Variants in PRUNE2 observed in about 807,000 individuals in gnomAD.
PRUNE2 encodes the protein protein prune homolog 2.
A neutral mutation model predicts 252.0 loss-of-function variants in PRUNE2; 164 were observed. That is an observed-to-expected ratio of 0.65 (90% CI 0.57 to 0.74). PRUNE2 has a LOEUF of 0.74. Among genes scored for constraint, PRUNE2 ranks in the 30% least tolerant of loss-of-function variants. The pLI is 0.00. For synonymous variants in PRUNE2, 1,292 were observed against 1,350.2 expected (o/e 0.96, Z 0.94); for missense variants, 3,495 against 3,711.0 (o/e 0.94, Z 1.51).
In PRUNE2 at chr9:76,750,094, T is replaced by C. The variant is rs151052631; in HGVS notation, c.757-36373A>G. ...CCAACACCAAAGACACAGAAGCTCC[T>C]ATGCTCAGGACCCTTCTCGACCCCT... On this transcript the variant is annotated intron_variant, in intron 6 of 18. Coordinates refer to ENST00000376718, the MANE Select transcript of PRUNE2 (RefSeq NM_015225.3). Among the ~76,000 whole-genome samples the C allele has an allele frequency of 2.1e-3, 324 of 152,256 alleles. 4 individuals are homozygous for C. The highest frequency in any genetic ancestry group is 7.5e-3 in the African/African-American group (312 of 41,538).
intron 6 of PRUNE2, among the ~76,000 whole-genome samples, chr9:76,780,561 G>C (rs867489588): frequency 6.6e-6 from 1 of 152,104 alleles, no homozygotes; most frequent in South Asian, 2.1e-4. Context: ...CATGGTGGCG[G>C]GTGCCTGTAG....
chr9:76,801,745 G>A (rs1431612921), intron 6 of PRUNE2, among the ~76,000 whole-genome samples: 2 of 152,140 alleles, frequency 1.3e-5, no homozygotes, highest in African/African-American at 2.4e-5. Flanking sequence ...GGTAAATGTG[G>A]TAAGAGTAAC....
rs1045748391 is a variant in PRUNE2, at chr9:76,824,291, G to A, written c.662-565C>T. 4.9e-4 allele frequency among the ~76,000 whole-genome samples: 75 copies of A among 152,264 alleles called. 1 individual carries two copies. The highest frequency in any genetic ancestry group is 1.8e-3 in the African/African-American group (74 of 41,554). On this transcript the variant is annotated intron_variant, in intron 5 of 18. Coordinates refer to ENST00000376718, the MANE Select transcript of PRUNE2 (RefSeq NM_015225.3). ...AGACAAAGGCAGGGAATAAAAGGGT[G>A]GCGGTGGACAAATGAAGAAAAATTA...
intron 6 of PRUNE2, chr9:76,759,240 G>A (rs962384039): frequency 6.6e-6 from 1 of 152,218 alleles, no homozygotes; most frequent in Admixed American, 6.5e-5. Flanking sequence ...CAGAGTTTTT[G>A]TGTGACTGTG....
At chr9:76,833,802 G>A (rs570918160) in intron 4 of PRUNE2, among the ~76,000 whole-genome samples, 4 of 149,656 alleles carry the variant, frequency 2.7e-5, no homozygotes, top group African/African-American at 9.8e-5. Context: ...AAAAAATACA[G>A]AAAGCAGACG....
intron 6 of PRUNE2, chr9:76,788,553 G>T: frequency 1.4e-6 from 1 of 716,718 alleles, no homozygotes; most frequent in South Asian, 1.5e-5. Flanking sequence ...TGGGGGTGTT[G>T]ACAACAATGA....
chr9:76,800,722 C>T (rs949423850), intron 6 of PRUNE2, among the ~76,000 whole-genome samples: 2 of 152,258 alleles, frequency 1.3e-5, no homozygotes, highest in South Asian at 2.1e-4. Flanking sequence ...GCGAGCCTCA[C>T]ACCCCTGTTC....
At chr9:76,848,694 T>C (rs1415291302) in intron 3 of PRUNE2, among the ~76,000 whole-genome samples, 3 of 152,260 alleles carry the variant, frequency 2.0e-5, no homozygotes, top group East Asian at 1.9e-4. Flanking sequence ...CTTCATTCAG[T>C]AGCAGTGGAA....
chr9:76,853,540 T>C lies in PRUNE2; in HGVS notation c.141+564A>G, dbSNP rs151064389. 5.9e-5 allele frequency among the ~76,000 whole-genome samples: 9 copies of C among 152,286 alleles called. No homozygotes were observed. In the South Asian group the frequency reaches 1.0e-3, roughly 18 times the overall value. On this transcript the variant is annotated intron_variant, in intron 2 of 18. Transcript: ENST00000376718. ...ATGCTTCACAGAATAGAAAGAGTCTTCCTCAAGGGAGATGATCACTAACTA... is the reference window on the plus strand; with the variant it reads ...ATGCTTCACAGAATAGAAAGAGTCTCCCTCAAGGGAGATGATCACTAACTA...
rs1262506415 is a variant in PRUNE2 at position 76,644,790 on chromosome 9, G to A, written c.8677C>T (p.Arg2893Cys). 1.2e-6 allele frequency: 2 copies of A among 1,613,886 alleles called. No homozygotes were observed. Among genetic ancestry groups the A allele is most frequent in the Non-Finnish European group, 8.5e-7 (1 of 1,179,850 alleles). ...RTVVIGEQEQRIDMKVIEPYR... is the reference protein window; with the variant it reads ...RTVVIGEQEQCIDMKVIEPYR... ...GGCTCGATGACCTTCATGTCAATGC[G>A]CTGCTCTTGTTCTCCAATGACCACT... Residue 2893 changes from arginine to cysteine, a missense_variant, in exon 12 of 19, where the codon CGC becomes TGC. Coordinates refer to ENST00000376718, the MANE Select transcript of PRUNE2 (RefSeq NM_015225.3).
chr9:76,645,437 G>A (rs1356266392), intron 11 of PRUNE2, among the ~76,000 whole-genome samples: 2 of 152,114 alleles, frequency 1.3e-5, no homozygotes, highest in Non-Finnish European at 2.9e-5. Context: ...CCTATTGGGA[G>A]CATATCTGGA....
At chr9:76,865,878 A>C (rs2060814405) in intron 1 of PRUNE2, among the ~76,000 whole-genome samples, 1 of 151,116 alleles carries the variant, frequency 6.6e-6, no homozygotes, top group African/African-American at 2.4e-5. Flanking sequence ...CATTATGCCC[A>C]CTTCATGATC....
chr9:76,870,515 C>T (rs1194827359), intron 1 of PRUNE2, among the ~76,000 whole-genome samples: 1 of 151,930 alleles, frequency 6.6e-6, no homozygotes, highest in Non-Finnish European at 1.5e-5. Context: ...GAAACCCCGT[C>T]TCTACTAAAA....
chr9:76,632,802 C>G (rs964637542), intron 15 of PRUNE2, among the ~76,000 whole-genome samples: 2 of 152,210 alleles, frequency 1.3e-5, no homozygotes, highest in Non-Finnish European at 2.9e-5. Flanking sequence ...CTCAAGCAAT[C>G]CTCCTGCTTC....
At chr9:76,850,111 C>T (rs532513649) in intron 3 of PRUNE2, among the ~76,000 whole-genome samples, 16 of 151,956 alleles carry the variant, frequency 1.1e-4, no homozygotes, top group South Asian at 4.2e-4. Flanking sequence ...TGCAGTGGTG[C>T]GATCTCGGCT....
At position 76,714,194 on chromosome 9, in the gene PRUNE2, C is replaced by T. The variant is rs2046959781; in HGVS notation, c.757-473G>A. Reference sequence around the variant, plus strand: ...CTACGAATCAACATAGCTGAGTTTACTGGGTGATCTTTATTCCAGTGTAGA... The same window carrying T: ...CTACGAATCAACATAGCTGAGTTTATTGGGTGATCTTTATTCCAGTGTAGA... On this transcript the variant is annotated intron_variant, in intron 6 of 18. Transcript: ENST00000376718. Among the ~76,000 whole-genome samples, 3 of 149,840 alleles carry T rather than the reference C, an allele frequency of 2.0e-5. No individual in the cohort carries two copies. The South Asian group carries it at 6.4e-4, about 32-fold the overall frequency.
At chr9:76,721,236 A>T (rs2047622682) in intron 6 of PRUNE2, among the ~76,000 whole-genome samples, 1 of 151,556 alleles carries the variant, frequency 6.6e-6, no homozygotes, top group African/African-American at 2.4e-5. Flanking sequence ...TTAAAGCATT[A>T]AAAAAATGTA....
At chr9:76,796,456 C>T (rs2056100925) in intron 6 of PRUNE2, among the ~76,000 whole-genome samples, 1 of 152,182 alleles carries the variant, frequency 6.6e-6, no homozygotes, top group Non-Finnish European at 1.5e-5. Flanking sequence ...TGTAAAAGAA[C>T]TTGAATCATC....
intron 4 of PRUNE2, among the ~76,000 whole-genome samples, chr9:76,828,970 T>C (rs1177857926): frequency 7.5e-6 from 1 of 132,782 alleles, no homozygotes; most frequent in Admixed American, 8.8e-5. Context: ...TGAGCTAAGA[T>C]CACGCCACTT....
Sources: gnomAD v4.1 joint callset for allele counts (sites outside exome capture counted in the v4.1 genomes callset) on GRCh38, gnomAD v4.1.1 for gene constraint, MANE v1.5 for transcripts, NCBI Gene and HGNC (gene_info 2026-07-23, HGNC 2026-07-21) for gene names.